Variants in RBFOX1 observed in about 807,000 individuals in gnomAD.
RBFOX1 encodes the protein RNA binding protein fox-1 homolog 1.
Under a neutral mutation model 57.7 loss-of-function variants are expected in RBFOX1, and 8 were observed. That is an observed-to-expected ratio of 0.14 (90% CI 0.08 to 0.25). The LOEUF is 0.25. Ranked by LOEUF, RBFOX1 falls within the 10% of genes least tolerant of loss-of-function variation. RBFOX1 has a pLI of 1.00. For synonymous variants in RBFOX1, 326 were observed against 222.4 expected (o/e 1.47, Z -4.15); for missense variants, 611 against 548.5 (o/e 1.11, Z -1.14).
chr16:5,393,948 C>G (rs909184977), intron 1 of RBFOX1, among the ~76,000 whole-genome samples: 3 of 152,204 alleles, frequency 2.0e-5, no homozygotes, highest in African/African-American at 4.8e-5. Context: ...TTCTCGGCAC[C>G]TCATATAAGT....
intron 1 of RBFOX1, among the ~76,000 whole-genome samples, chr16:6,091,768 T>C (rs1242138911): frequency 6.6e-6 from 1 of 152,096 alleles, no homozygotes; most frequent in Non-Finnish European, 1.5e-5. Context: ...GAGTTGGAGG[T>C]TGCAGAGAGC....
intron 4 of RBFOX1, among the ~76,000 whole-genome samples, chr16:7,481,102 T>G (rs1311730012): frequency 1.3e-5 from 2 of 152,168 alleles, no homozygotes; most frequent in Non-Finnish European, 2.9e-5. Flanking sequence ...ACAGTTGCCC[T>G]CCATCTCTGA....
chr16:6,929,159 C>G (rs898012684), intron 3 of RBFOX1, among the ~76,000 whole-genome samples: 3 of 152,114 alleles, frequency 2.0e-5, no homozygotes, highest in Non-Finnish European at 2.9e-5. Flanking sequence ...CTCCTGGATA[C>G]CCTACTACCT....
chr16:6,730,247 G>C (rs996210192), intron 3 of RBFOX1, among the ~76,000 whole-genome samples: 1 of 152,096 alleles, frequency 6.6e-6, no homozygotes, highest in Admixed American at 6.5e-5. Flanking sequence ...ATAGGGAGAT[G>C]GTAGAACCGT....
At chr16:5,325,427 G>T (rs1033353408) in intron 1 of RBFOX1, among the ~76,000 whole-genome samples, 2 of 152,130 alleles carry the variant, frequency 1.3e-5, no homozygotes, top group African/African-American at 4.8e-5. Context: ...TACCACATTT[G>T]TTTTTAATTT....
At chr16:7,437,214 T>C (rs2098729185) in intron 4 of RBFOX1, among the ~76,000 whole-genome samples, 1 of 151,814 alleles carries the variant, frequency 6.6e-6, no homozygotes, top group Non-Finnish European at 1.5e-5. Flanking sequence ...CAAACAAACA[T>C]ACTATCCTCA....
intron 2 of RBFOX1, among the ~76,000 whole-genome samples, chr16:6,408,799 T>A (rs955252419): frequency 3.9e-5 from 6 of 152,168 alleles, no homozygotes; most frequent in Non-Finnish European, 8.8e-5. Context: ...GTGATTTGTG[T>A]TTGCATTTTA....
chr16:5,468,792 C>T (rs537813572), intron 2 of RBFOX1, among the ~76,000 whole-genome samples: 1 of 152,312 alleles, frequency 6.6e-6, no homozygotes, highest in South Asian at 2.1e-4. Context: ...TGACCTGGAT[C>T]CTCTCTGTGC....
intron 4 of RBFOX1, among the ~76,000 whole-genome samples, chr16:7,205,464 G>T (rs545574918): frequency 4.4e-4 from 66 of 149,918 alleles, no homozygotes; most frequent in Non-Finnish European, 1.9e-4. Flanking sequence ...GTTGAAGTGA[G>T]ATCATGCCAT....
At chr16:5,272,070 A>C (rs1053574575) in intron 1 of RBFOX1, among the ~76,000 whole-genome samples, 3 of 152,230 alleles carry the variant, frequency 2.0e-5, no homozygotes, top group African/African-American at 7.2e-5. Context: ...AGGAATGTAG[A>C]GATCCCTTCA....
chr16:7,222,554 A>G (rs568946984), intron 4 of RBFOX1, among the ~76,000 whole-genome samples: 13 of 152,238 alleles, frequency 8.5e-5, no homozygotes, highest in Non-Finnish European at 1.5e-4. Context: ...CGAAGCAACA[A>G]TTGGATATGT....
At chr16:6,602,017 C>T (rs900796126) in intron 2 of RBFOX1, among the ~76,000 whole-genome samples, 1 of 152,130 alleles carries the variant, frequency 6.6e-6, no homozygotes, top group Non-Finnish European at 1.5e-5. Flanking sequence ...AATGAAGTAC[C>T]TAGAAGCAGC....
chr16:5,912,577 G>C (rs972920376), intron 4 of RBFOX1, among the ~76,000 whole-genome samples: 1 of 152,124 alleles, frequency 6.6e-6, no homozygotes, highest in Non-Finnish European at 1.5e-5. Context: ...ATGACCTCTT[G>C]TTTTTACACA....
In RBFOX1 at chr16:7,469,283, C is replaced by T. The variant is rs541103791; in HGVS notation, c.28-48864C>T. Among the ~76,000 whole-genome samples the T allele has an allele frequency of 1.4e-4, 22 of 152,040 alleles. No homozygotes were observed. The South Asian group carries it at 2.7e-3, about 19-fold the overall frequency. On this transcript the variant is annotated intron_variant, in intron 4 of 15. Transcript: ENST00000550418. ...TTCACCATGTCGGTCAGGCTGGTCT[C>T]GAACCCCTGACCTCATGATCTGCCC...
intron 3 of RBFOX1, among the ~76,000 whole-genome samples, chr16:6,745,206 A>T (rs2073285634): frequency 6.6e-6 from 1 of 152,132 alleles, no homozygotes. Context: ...CCCTCTAAGA[A>T]AATTCCAAGC....
chr16:5,920,682 C>T (rs1156720111), intron 4 of RBFOX1, among the ~76,000 whole-genome samples: 1 of 152,106 alleles, frequency 6.6e-6, no homozygotes, highest in African/African-American at 2.4e-5. Flanking sequence ...AGGAGCGTGC[C>T]CAGGTAGGAT....
At chr16:6,171,832 A>ATTTATTTATTTAT (rs2096962721) in intron 1 of RBFOX1, among the ~76,000 whole-genome samples, 1 of 151,544 alleles carries the variant, frequency 6.6e-6, no homozygotes, top group African/African-American at 2.4e-5. Flanking sequence ...TTATTTATTT[A>ATTTATTTATTTAT]TTCTTTTAAG....
chr16:7,112,491 G>A, intron 4 of RBFOX1, among the ~76,000 whole-genome samples: 1 of 151,886 alleles, frequency 6.6e-6, no homozygotes, highest in Non-Finnish European at 1.5e-5. Context: ...ACAGGCATGA[G>A]CCACCGTGCC....
intron 2 of RBFOX1, among the ~76,000 whole-genome samples, chr16:6,388,277 AT>A (rs1310398691): frequency 6.6e-5 from 10 of 151,972 alleles, no homozygotes; most frequent in African/African-American, 2.2e-4. Context: ...TGTCTGTGGA[AT>A]TTTTAAAATG....
Sources: allele counts gnomAD v4.1 joint callset (sites outside exome capture counted in the v4.1 genomes callset), GRCh38; gene constraint gnomAD v4.1.1; transcripts MANE v1.5; gene names NCBI Gene and HGNC (gene_info 2026-07-23, HGNC 2026-07-21).